The following PRAG1 variants were observed in gnomAD, a reference collection of about 807,000 sequenced individuals.
The protein encoded by PRAG1 is PEAK1 related, kinase-activating pseudokinase 1.
PRAG1 carries 110 observed loss-of-function variants against 95.6 expected under a neutral mutation model. The observed-to-expected ratio is 1.15, with a 90% confidence interval of 0.99 to 1.35. The LOEUF (loss-of-function observed/expected upper bound fraction) is 1.35, where lower values mean the gene tolerates loss of function less well. Ranked by LOEUF, PRAG1 falls within the 40% of genes most tolerant of loss-of-function variation. The pLI is 0.00. For synonymous variants in PRAG1, 1,052 were observed against 819.4 expected, an observed-to-expected ratio of 1.28 and a Z score of -4.85; for missense variants, 2,554 against 1,864.7, an observed-to-expected ratio of 1.37 and a Z score of -6.81.
intron 3 of PRAG1, chr8:8,374,752 C>A: frequency 1.0e-6 from 1 of 968,362 alleles, no homozygotes; most frequent in Non-Finnish European, 1.2e-6. Context: ...TGGTGGGCGG[C>A]CAGTGCAATA....
At chr8:8,328,543 T>C in intron 4 of PRAG1, 82 bp from the exon 5 acceptor site, 1 of 1,340,678 alleles carries the variant, frequency 7.5e-7, no homozygotes, top group Non-Finnish European at 9.9e-7. Flanking sequence ...TCCCTTTATT[T>C]ATTTATTTAT....
chr8:8,373,510 C>T (rs1800282765), intron 3 of PRAG1, among the ~76,000 whole-genome samples: 1 of 145,614 alleles, frequency 6.9e-6, no homozygotes, highest in Non-Finnish European at 1.5e-5. Flanking sequence ...AGTACAGTGG[C>T]ACAATCATAG....
chr8:8,380,466 G>A (rs1362751468), intron 2 of PRAG1, among the ~76,000 whole-genome samples: 2 of 152,096 alleles, frequency 1.3e-5, no homozygotes, highest in African/African-American at 4.8e-5. Flanking sequence ...GGGCATGGCA[G>A]TATGTACCTA....
At chr8:8,360,848 T>G (rs1167800755) in intron 3 of PRAG1, among the ~76,000 whole-genome samples, 1 of 152,226 alleles carries the variant, frequency 6.6e-6, no homozygotes, top group Non-Finnish European at 1.5e-5. Flanking sequence ...AAATCTTTCA[T>G]ATTATCTCAG....
intron 4 of PRAG1, among the ~76,000 whole-genome samples, chr8:8,334,713 A>G (rs2945908): frequency 6.7e-6 from 1 of 149,290 alleles, no homozygotes; most frequent in African/African-American, 2.5e-5. Context: ...TCCTGGAATT[A>G]TGATCTTTCA....
chr8:8,370,593 A>G (rs1800158483), intron 3 of PRAG1, among the ~76,000 whole-genome samples: 1 of 152,228 alleles, frequency 6.6e-6, no homozygotes, highest in Non-Finnish European at 1.5e-5. Flanking sequence ...GTCATCCATT[A>G]TAGCAGAAAG....
Position 8,317,890 on chromosome 8 carries a change from C to A in PRAG1, c.*264G>T, listed in dbSNP as rs1336506529. 4 of 271,600 alleles carry A rather than the reference C, an allele frequency of 1.5e-5. No individual in the cohort carries two copies. Among genetic ancestry groups the A allele is most frequent in the African/African-American group, 8.8e-5 (4 of 45,288 alleles). The allele number at this position is 271,600 out of a possible 1,614,324, so 16.8% of individuals were successfully genotyped here. ...TCACAGAACTGTCCTCAGGACGTTG[C>A]ATGGAACTGGAAATGTGTATAATTA... On this transcript the variant is annotated 3_prime_UTR_variant, in exon 6 of 6. Transcript: ENST00000615670.
intron 3 of PRAG1, among the ~76,000 whole-genome samples, chr8:8,348,402 G>A (rs890359505): frequency 1.3e-5 from 2 of 152,166 alleles, no homozygotes; most frequent in African/African-American, 4.8e-5. Flanking sequence ...AATTTTCTTT[G>A]ACAATCTCAA....
At chr8:8,351,149 G>A (rs1799507593) in intron 3 of PRAG1, among the ~76,000 whole-genome samples, 1 of 152,148 alleles carries the variant, frequency 6.6e-6, no homozygotes, top group African/African-American at 2.4e-5. Context: ...GCGTATGGTG[G>A]GCTTCTGGGT....
intron 3 of PRAG1, among the ~76,000 whole-genome samples, chr8:8,354,695 T>G (rs1021996146): frequency 6.6e-6 from 1 of 152,094 alleles, no homozygotes; most frequent in Non-Finnish European, 1.5e-5. Context: ...TAAATTGACA[T>G]AGAAAAAGCA....
At chr8:8,360,735 T>A (rs946057896) in intron 3 of PRAG1, among the ~76,000 whole-genome samples, 3 of 152,248 alleles carry the variant, frequency 2.0e-5, no homozygotes, top group Admixed American at 6.5e-5. Flanking sequence ...AGTCCAAGAA[T>A]CTCATAGGTC....
intron 3 of PRAG1, among the ~76,000 whole-genome samples, chr8:8,347,874 C>T (rs1275315154): frequency 6.9e-6 from 1 of 145,042 alleles, no homozygotes; most frequent in African/African-American, 2.8e-5. Flanking sequence ...TGGAGTGCAG[C>T]GGCATGATCT....
At chr8:8,341,163 T>C (rs1276794705) in intron 3 of PRAG1, among the ~76,000 whole-genome samples, 2 of 152,210 alleles carry the variant, frequency 1.3e-5, no homozygotes, top group African/African-American at 4.8e-5. Context: ...TTCTAGAGTT[T>C]CTTGGTCTTC....
chr8:8,351,015 G>C (rs1799503232), intron 3 of PRAG1, among the ~76,000 whole-genome samples: 1 of 152,152 alleles, frequency 6.6e-6, no homozygotes, highest in African/African-American at 2.4e-5. Flanking sequence ...GCAGTCTCCA[G>C]TATACTGAGT....
intron 3 of PRAG1, among the ~76,000 whole-genome samples, chr8:8,373,454 ATT>A (rs796490286): frequency 7.2e-5 from 10 of 138,312 alleles, no homozygotes; most frequent in African/African-American, 2.8e-4. Flanking sequence ...TATTTTCTAG[ATT>A]TTTTTTTTTT....
chr8:8,341,893 G>A (rs1013956050), intron 3 of PRAG1, among the ~76,000 whole-genome samples: 5 of 152,174 alleles, frequency 3.3e-5, no homozygotes, highest in Admixed American at 6.5e-5. Context: ...AGCACTTTGG[G>A]AGGTCAAGGC....
chr8:8,335,557 G>T (rs891439209), intron 4 of PRAG1, among the ~76,000 whole-genome samples: 2 of 151,584 alleles, frequency 1.3e-5, no homozygotes, highest in Admixed American at 1.3e-4. Context: ...TAAAAAAAAA[G>T]TATTGACTTT....
chr8:8,383,392 G>C (rs1800748160), intron 1 of PRAG1, among the ~76,000 whole-genome samples: 1 of 152,090 alleles, frequency 6.6e-6, no homozygotes, highest in Admixed American at 6.5e-5. Flanking sequence ...GTAACACAGA[G>C]ACACTCTGTC....
intron 3 of PRAG1, among the ~76,000 whole-genome samples, chr8:8,345,092 T>TGTGTGTGTGTG (rs1491425198): frequency 4.2e-4 from 52 of 124,992 alleles, no homozygotes; most frequent in South Asian, 1.2e-3. Flanking sequence ...TGTGTGTGTG[T>TGTGTGTGTGTG]TAGGGAGGAA....
Sources: gnomAD v4.1 joint callset for allele counts (sites outside exome capture counted in the v4.1 genomes callset) on GRCh38, gnomAD v4.1.1 for gene constraint, MANE v1.5 for transcripts, NCBI Gene and HGNC (gene_info 2026-07-23, HGNC 2026-07-21) for gene names.